AHCYL2: variants seen among roughly 807,000 people sequenced by gnomAD.
AHCYL2 encodes the protein S-adenosylhomocysteine hydrolase-like protein 2.
A neutral mutation model predicts 81.4 loss-of-function variants in AHCYL2; 28 were observed. The observed-to-expected ratio is 0.34, with a 90% CI of 0.25 to 0.47. AHCYL2 has a LOEUF of 0.47. Among genes scored for constraint, AHCYL2 ranks in the 20% least tolerant of loss-of-function variants. The pLI is 1.00. For missense variants in AHCYL2, 551 were observed against 785.1 expected, an observed-to-expected ratio of 0.70 and a Z score of 3.56; for synonymous variants, 272 against 290.2, an observed-to-expected ratio of 0.94 and a Z score of 0.64.
At chr7:129,318,466 T>G (rs141724143) in intron 1 of AHCYL2, among the ~76,000 whole-genome samples, 19 of 152,310 alleles carry the variant, frequency 1.2e-4, no homozygotes, top group African/African-American at 3.4e-4. Flanking sequence ...AAATAGAAAG[T>G]CTATTAACAG....
chr7:129,372,425 A>G (rs1794453258), intron 1 of AHCYL2, among the ~76,000 whole-genome samples: 2 of 152,224 alleles, frequency 1.3e-5, no homozygotes, highest in South Asian at 4.1e-4. Flanking sequence ...TGTTTTTCTT[A>G]ATATATTACC....
At chr7:129,229,134 C>T (rs1365691822) in intron 1 of AHCYL2, among the ~76,000 whole-genome samples, 1 of 150,768 alleles carries the variant, frequency 6.6e-6, no homozygotes, top group Non-Finnish European at 1.5e-5. Flanking sequence ...ATGGTGCAAT[C>T]TCAGCTCACC....
intron 4 of AHCYL2, among the ~76,000 whole-genome samples, chr7:129,396,335 C>T (rs966625748): frequency 2.6e-5 from 4 of 151,862 alleles, no homozygotes; most frequent in African/African-American, 7.3e-5. Context: ...CCGTGTTAGC[C>T]AGGATGGTCT....
At chr7:129,405,993 T>G in intron 9 of AHCYL2, 94 bp downstream of exon 9, 1 of 1,148,442 alleles carries the variant, frequency 8.7e-7, no homozygotes. Context: ...GAGTACACCC[T>G]TTACCACTTT....
intron 1 of AHCYL2, among the ~76,000 whole-genome samples, chr7:129,307,415 C>T (rs1797480026): frequency 1.3e-5 from 2 of 151,910 alleles, no homozygotes; most frequent in African/African-American, 4.8e-5. Flanking sequence ...AGTACCAGGG[C>T]ACCACTGATG....
chr7:129,301,791 G>A (rs949678407), intron 1 of AHCYL2, among the ~76,000 whole-genome samples: 55 of 152,030 alleles, frequency 3.6e-4, no homozygotes, highest in Admixed American at 3.0e-3. Flanking sequence ...AAGTCAGGTC[G>A]TGTTATTCCT....
Position 129,368,578 on chromosome 7 carries a change from C to T in AHCYL2, c.364-11060C>T, listed in dbSNP as rs780260224. 6.3e-7 allele frequency: 1 copy of T among 1,598,586 alleles called. No individual in the cohort carries two copies. The highest frequency in any genetic ancestry group is 8.5e-7 in the Non-Finnish European group (1 of 1,171,712). The stretch of plus-strand genomic sequence containing the variant: ...TGAGTTCACTGGTCGTTTTGTTTCT[C>T]CTTCTGTTTCTTGATAATGAGAGGC... On this transcript the variant is annotated intron_variant, in intron 1 of 16. Transcript: ENST00000325006. The surrounding 1 kb of genome is among the most constrained non-coding windows in gnomAD (Gnocchi z 4.4).
At position 129,427,165 on chromosome 7, in the gene AHCYL2, CTG is replaced by C; in HGVS notation, c.*126_*127del. The C allele has an allele frequency of 9.6e-7, 1 of 1,036,544 alleles. No homozygotes were observed. The highest frequency in any genetic ancestry group is 1.5e-6 in the Non-Finnish European group (1 of 685,534). The allele number at this position is 1,036,544 out of a possible 1,614,324, so 64.2% of individuals were successfully genotyped here. On this transcript the variant is annotated 3_prime_UTR_variant, in exon 17 of 17. Coordinates refer to ENST00000325006, the MANE Select transcript of AHCYL2 (RefSeq NM_015328.4). This position sits in a 1 kb window ranked among gnomAD's most constrained non-coding sequence, Gnocchi z 5.5. ...ATCAAAGCTGCCTGCCGTGCTCACC[CTG>C]TGTGTTAGGTTATTTATTTATTAAA...
intron 1 of AHCYL2, among the ~76,000 whole-genome samples, chr7:129,225,768 T>C (rs1488403488): frequency 6.6e-6 from 1 of 152,192 alleles, no homozygotes; most frequent in African/African-American, 2.4e-5. Flanking sequence ...TTTTCCAGCC[T>C]ATCGGGGAAG....
chr7:129,396,982 A>T (rs751512455), intron 4 of AHCYL2, among the ~76,000 whole-genome samples: 1 of 152,200 alleles, frequency 6.6e-6, no homozygotes, highest in African/African-American at 2.4e-5. Context: ...ATTAAATCTT[A>T]TGGGGAAGCT....
chr7:129,306,264 G>A (rs758437102), intron 1 of AHCYL2, among the ~76,000 whole-genome samples: 23 of 152,122 alleles, frequency 1.5e-4, no homozygotes, highest in Non-Finnish European at 2.6e-4. Flanking sequence ...TTGTCGGTGT[G>A]CTTTATTCTT....
intron 5 of AHCYL2, among the ~76,000 whole-genome samples, chr7:129,399,853 A>G (rs1371332630): frequency 1.3e-5 from 2 of 151,654 alleles, no homozygotes; most frequent in South Asian, 2.1e-4. Context: ...CAGGCTCCCA[A>G]GTAGCTGAGA....
At chr7:129,328,545 C>T (rs1798308542) in intron 1 of AHCYL2, among the ~76,000 whole-genome samples, 1 of 151,790 alleles carries the variant, frequency 6.6e-6, no homozygotes, top group Admixed American at 6.6e-5. Context: ...TGTGCAGTGG[C>T]ACAATCTCAG....
intron 1 of AHCYL2, among the ~76,000 whole-genome samples, chr7:129,307,045 A>G (rs1797468096): frequency 6.6e-6 from 1 of 152,198 alleles, no homozygotes; most frequent in African/African-American, 2.4e-5. Flanking sequence ...GCATTGGGTC[A>G]GTCCTGAAGC....
intron 9 of AHCYL2, 29 bp downstream of exon 9, chr7:129,405,928 GT>G: frequency 1.3e-6 from 2 of 1,598,842 alleles, no homozygotes; most frequent in Non-Finnish European, 1.7e-6. Flanking sequence ...TTTATTAGGT[GT>G]TTTAAATGGA....
chr7:129,251,931 A>G (rs533903105), intron 1 of AHCYL2, among the ~76,000 whole-genome samples: 239 of 152,212 alleles, frequency 1.6e-3, no homozygotes, highest in African/African-American at 5.6e-3. Flanking sequence ...AGAATCATTG[A>G]GAATATTTGT....
intron 1 of AHCYL2, among the ~76,000 whole-genome samples, chr7:129,304,933 T>C (rs1797379144): frequency 6.7e-6 from 1 of 149,008 alleles, no homozygotes; most frequent in African/African-American, 2.6e-5. Context: ...ATTTGTTTTC[T>C]GGTTTTTTTT....
chr7:129,408,086 G>A (rs1156432743), intron 10 of AHCYL2, among the ~76,000 whole-genome samples: 1 of 152,132 alleles, frequency 6.6e-6, no homozygotes, highest in East Asian at 1.9e-4. Context: ...GGAGTCATAT[G>A]TCAATATAAT....
chr7:129,404,203 CAG>C (rs1042661538), intron 7 of AHCYL2, among the ~76,000 whole-genome samples: 4 of 151,848 alleles, frequency 2.6e-5, no homozygotes, highest in African/African-American at 9.7e-5. Context: ...ACAAAACAGA[CAG>C]AAAAAAACTC....
Sources: gnomAD v4.1 joint callset for allele counts (sites outside exome capture counted in the v4.1 genomes callset) on GRCh38, gnomAD v4.1.1 for gene constraint, Gnocchi (gnomAD v3.1) non-coding constraint, MANE v1.5 for transcripts, NCBI Gene and HGNC (gene_info 2026-07-23, HGNC 2026-07-21) for gene names.